Variants in VWA8 observed in about 807,000 individuals in gnomAD.
The protein encoded by VWA8 is von Willebrand factor A domain-containing protein 8.
Under a neutral mutation model 241.5 loss-of-function variants are expected in VWA8, and 221 were observed. The ratio of observed to expected loss-of-function variants is 0.91; its 90% CI spans 0.82 to 1.02. The LOEUF is 1.02. VWA8 is among the 50% of genes least tolerant of loss of function. VWA8 has a pLI of 0.00. For synonymous variants in VWA8, 852 were observed against 827.1 expected (o/e 1.03, Z -0.52); for missense variants, 2,322 against 2,328.7 (o/e 1.00, Z 0.06).
intron 37 of VWA8, among the ~76,000 whole-genome samples, chr13:41,624,241 T>C (rs937895445): frequency 2.0e-5 from 3 of 152,022 alleles, no homozygotes; most frequent in African/African-American, 7.2e-5. Flanking sequence ...TTCTGCCAAA[T>C]GTGTAAAGAA....
At position 41,853,929 on chromosome 13, in the gene VWA8, C is replaced by T. The variant is rs115290248; in HGVS notation, c.1425+11807G>A. Among the ~76,000 whole-genome samples, 263 of 152,178 alleles carry T rather than the reference C, an allele frequency of 1.7e-3. 2 individuals are homozygous for T. The highest frequency in any genetic ancestry group is 5.8e-3 in the African/African-American group (242 of 41,508). ...TCCATGCCTTCAAGGAGCTTACAAACGATAGGAGAGACAAATTGCTGTTTC... is the reference window on the plus strand; with the variant it reads ...TCCATGCCTTCAAGGAGCTTACAAATGATAGGAGAGACAAATTGCTGTTTC... On this transcript the variant is annotated intron_variant, in intron 12 of 44. Coordinates refer to ENST00000379310, the MANE Select transcript of VWA8 (RefSeq NM_015058.2).
chr13:41,712,084 T>G (rs114329520), intron 26 of VWA8, among the ~76,000 whole-genome samples: 1 of 151,720 alleles, frequency 6.6e-6, no homozygotes, highest in Non-Finnish European at 1.5e-5. Flanking sequence ...ATACCAGAGG[T>G]TGGGAAGGTT....
chr13:41,573,610 C>CACATATATATATATATAT (rs1555303639), intron 43 of VWA8, among the ~76,000 whole-genome samples: 3 of 140,188 alleles, frequency 2.1e-5, no homozygotes, highest in African/African-American at 8.4e-5. Flanking sequence ...TATATATACG[C>CACATATATATATATATAT]ATATATATGG....
rs2045125705 is a variant in VWA8, at chr13:41,685,057, G to A, written c.4317C>T (p.Ile1439=). The A allele has an allele frequency of 6.2e-7, 1 of 1,612,720 alleles. No homozygotes were observed. The highest frequency in any genetic ancestry group is 1.1e-5 in the South Asian group (1 of 90,922). The change falls in exon 35 of 45, where the codon ATC becomes ATT. Residue 1439 remains isoleucine, a synonymous_variant. Coordinates refer to ENST00000379310, the MANE Select transcript of VWA8 (RefSeq NM_015058.2). ...LPPGEVPLKD[I]YPKDVTPPQT... ...TGAGTTCCTTCTTACCTTTTGGGTA[G>A]ATATCTTTTAGAGGGACTTCTCCTG...
chr13:41,910,878 C>T (rs557526519), intron 3 of VWA8, among the ~76,000 whole-genome samples: 87 of 152,118 alleles, frequency 5.7e-4, no homozygotes, highest in African/African-American at 1.9e-3. Context: ...AGGTAGATTT[C>T]AATAGCATTG....
chr13:41,841,769 A>C, intron 12 of VWA8, among the ~76,000 whole-genome samples: 1 of 114,856 alleles, frequency 8.7e-6, no homozygotes, highest in South Asian at 3.4e-4. Context: ...TGGGCGACAG[A>C]GCGAGACTCT....
At position 41,887,303 on chromosome 13, in the gene VWA8, C is replaced by T. The variant is rs150669026; in HGVS notation, c.710G>A (p.Arg237Gln). ...CACTGGCAAGCCCAAGGCAATCACT[C>T]GGAAATTTTCACTAACTCGGACAAT... ...WKIVRVSENF[R>Q]VIALGLPVPR... Residue 237 changes from arginine to glutamine, a missense_variant, in exon 6 of 45, where the codon CGA (arginine) becomes CAA (glutamine). Coordinates refer to ENST00000379310, the MANE Select transcript of VWA8 (RefSeq NM_015058.2). 2.9e-5 allele frequency: 47 copies of T among 1,613,306 alleles called. No individual in the cohort carries two copies. Among genetic ancestry groups the T allele is most frequent in the Admixed American group, 1.5e-4 (9 of 59,848 alleles).
rs539726390 is a variant in VWA8 at position 41,746,603 on chromosome 13, C to A, written c.2427-14448G>T. Among the ~76,000 whole-genome samples, 15 of 152,232 alleles carry A rather than the reference C, an allele frequency of 9.9e-5. 1 individual carries two copies. In the South Asian group the frequency reaches 1.7e-3, roughly 17 times the overall value. On this transcript the variant is annotated intron_variant, in intron 21 of 44. Coordinates refer to ENST00000379310, the MANE Select transcript of VWA8 (RefSeq NM_015058.2). ...TTGGTAAACGTTTTTATGAACTGTCCAGGTGACGGAACAGAAAACAAGGCT... is the reference window on the plus strand; with the variant it reads ...TTGGTAAACGTTTTTATGAACTGTCAAGGTGACGGAACAGAAAACAAGGCT...
intron 40 of VWA8, among the ~76,000 whole-genome samples, chr13:41,604,120 GCCCT>G (rs1399410581): frequency 6.6e-6 from 1 of 151,994 alleles, no homozygotes; most frequent in Non-Finnish European, 1.5e-5. Context: ...ATCCATTTTG[GCCCT>G]TAGCCAACTA....
chr13:41,877,278 A>G (rs2069233), intron 9 of VWA8, among the ~76,000 whole-genome samples: 49,172 of 151,804 alleles, frequency 0.32, 8,073 homozygotes, highest in East Asian at 0.43. Flanking sequence ...ATATTTCATC[A>G]GTTAGTAACA....
intron 20 of VWA8, among the ~76,000 whole-genome samples, chr13:41,776,642 G>GT (rs1444180982): frequency 6.6e-6 from 1 of 152,176 alleles, no homozygotes; most frequent in African/African-American, 2.4e-5. Flanking sequence ...ACTGAGCACT[G>GT]TGTGAAGCAC....
chr13:41,572,105 C>T (rs573978608), intron 43 of VWA8, among the ~76,000 whole-genome samples: 18 of 150,126 alleles, frequency 1.2e-4, no homozygotes, highest in Admixed American at 7.9e-4. Context: ...GGAGCCCCTC[C>T]GCCCGGCAGC....
At chr13:41,716,696 C>A (rs1193217460) in intron 26 of VWA8, among the ~76,000 whole-genome samples, 1 of 152,066 alleles carries the variant, frequency 6.6e-6, no homozygotes, top group African/African-American at 2.4e-5. Context: ...CATCAATAAG[C>A]ACTGCGGTTG....
chr13:41,575,657 T>C, intron 43 of VWA8, 83 bp downstream of exon 43: 1 of 971,222 alleles, frequency 1.0e-6, no homozygotes, highest in Non-Finnish European at 1.5e-6. Context: ...CCTGTGTATC[T>C]GCTGCTGCTT....
chr13:41,609,890 A>G (rs2044576408), intron 39 of VWA8, among the ~76,000 whole-genome samples: 1 of 152,028 alleles, frequency 6.6e-6, no homozygotes, highest in South Asian at 2.1e-4. Flanking sequence ...CCTCTCTTAC[A>G]TCCGCTAAAT....
chr13:41,685,669 AT>A (rs2045131684), intron 34 of VWA8, among the ~76,000 whole-genome samples: 1 of 152,126 alleles, frequency 6.6e-6, no homozygotes, highest in South Asian at 2.1e-4. Context: ...TACAAGTTAA[AT>A]TTTTTACCTT....
chr13:41,597,577 A>G (rs1267851670), intron 40 of VWA8, among the ~76,000 whole-genome samples: 3 of 152,114 alleles, frequency 2.0e-5, no homozygotes, highest in Non-Finnish European at 2.9e-5. Context: ...GTGATGTGGA[A>G]CTAAATCATT....
intron 19 of VWA8, among the ~76,000 whole-genome samples, chr13:41,782,355 C>A (rs562512804): frequency 4.1e-4 from 62 of 151,682 alleles, no homozygotes; most frequent in Non-Finnish European, 7.5e-4. Flanking sequence ...TGTTCTTTGT[C>A]TCTTTGTCTC....
chr13:41,784,737 C>CACATATATATATATATAT (rs1191810226), intron 18 of VWA8, among the ~76,000 whole-genome samples: 1 of 72,560 alleles, frequency 1.4e-5, no homozygotes, highest in Non-Finnish European at 2.9e-5. Flanking sequence ...TATACACACA[C>CACATATATATATATATAT]ATATATATAT....
Sources: allele counts gnomAD v4.1 joint callset (sites outside exome capture counted in the v4.1 genomes callset), GRCh38; gene constraint gnomAD v4.1.1; transcripts MANE v1.5; gene names NCBI Gene and HGNC (gene_info 2026-07-23, HGNC 2026-07-21).